The following SRD5A2 variants were observed in gnomAD, a reference collection of about 807,000 sequenced individuals.
The protein encoded by SRD5A2 is 3-oxo-5-alpha-steroid 4-dehydrogenase 2.
A neutral mutation model predicts 27.4 loss-of-function variants in SRD5A2; 30 were observed. That is an observed-to-expected ratio of 1.10 (90% CI 0.82 to 1.49). The LOEUF is 1.49. SRD5A2 is among the 40% of genes most tolerant of loss of function. The pLI, the probability that SRD5A2 is intolerant of heterozygous loss-of-function variation, is 0.00. For missense variants in SRD5A2, 348 were observed against 323.4 expected, an observed-to-expected ratio of 1.08 and a Z score of -0.58; for synonymous variants, 141 against 133.6, an observed-to-expected ratio of 1.06 and a Z score of -0.38.
intron 1 of SRD5A2, among the ~76,000 whole-genome samples, chr2:31,558,067 T>C (rs1323041791): frequency 2.0e-5 from 3 of 152,210 alleles, no homozygotes; most frequent in African/African-American, 4.8e-5. Context: ...TTTTCTTCAA[T>C]GGAAATCTTA....
At chr2:31,656,172 G>A in the SRD5A2 span, among the ~76,000 whole-genome samples, 6 of 152,194 alleles carry the variant, frequency 3.9e-5, no homozygotes, top group East Asian at 1.9e-4. Context: ...TTTGGAGATC[G>A]TGAATCTGTT....
At chr2:31,567,008 A>C (rs1343011604) in intron 1 of SRD5A2, among the ~76,000 whole-genome samples, 4 of 152,186 alleles carry the variant, frequency 2.6e-5, no homozygotes, top group Admixed American at 6.5e-5. Flanking sequence ...TTTTTAACTA[A>C]ATGGCTCCAT....
chr2:31,616,787 T>A, the SRD5A2 span, among the ~76,000 whole-genome samples: 1 of 152,170 alleles, frequency 6.6e-6, no homozygotes, highest in Non-Finnish European at 1.5e-5. Flanking sequence ...GGGGGGCTGT[T>A]GGGAAGGCAT....
chr2:31,603,697 G>A, the SRD5A2 span, among the ~76,000 whole-genome samples: 3 of 151,890 alleles, frequency 2.0e-5, no homozygotes, highest in Non-Finnish European at 2.9e-5. Context: ...TATACACCAC[G>A]GAATACTATG....
At chr2:31,635,228 C>T in the SRD5A2 span, among the ~76,000 whole-genome samples, 1 of 152,032 alleles carries the variant, frequency 6.6e-6, no homozygotes, top group African/African-American at 2.4e-5. Context: ...CTTTTTGATA[C>T]AAGCCATTTT....
Position 31,579,247 on chromosome 2 carries a change from C to G in SRD5A2, c.281+1373G>C, listed in dbSNP as rs548442841. Among the ~76,000 whole-genome samples, 4 of 152,198 alleles carry G rather than the reference C, an allele frequency of 2.6e-5. 1 individual carries two copies. The South Asian group carries it at 8.3e-4, about 32-fold the overall frequency. On this transcript the variant is annotated intron_variant, in intron 1 of 4. Coordinates refer to ENST00000622030, the MANE Select transcript of SRD5A2 (RefSeq NM_000348.4). ...GATTGCATAAATATTAAATCTTGAC[C>G]AATAAAGAAGATTCAGAGGATAAGA...
At chr2:31,620,981 T>TA in the SRD5A2 span, among the ~76,000 whole-genome samples, 1 of 147,474 alleles carries the variant, frequency 6.8e-6, no homozygotes, top group African/African-American at 2.5e-5. Context: ...AAATTAAATA[T>TA]ATAATATAAA....
chr2:31,608,382 A>T, the SRD5A2 span, among the ~76,000 whole-genome samples: 1 of 151,960 alleles, frequency 6.6e-6, no homozygotes, highest in Admixed American at 6.6e-5. Context: ...CAACAGGAAA[A>T]TTAAGATAAA....
At chr2:31,571,018 A>C (rs1481472416) in intron 1 of SRD5A2, among the ~76,000 whole-genome samples, 1 of 152,236 alleles carries the variant, frequency 6.6e-6, no homozygotes, top group Non-Finnish European at 1.5e-5. Context: ...TTAGAAAAAA[A>C]CTATTTTAAA....
the SRD5A2 span, among the ~76,000 whole-genome samples, chr2:31,587,172 G>A: frequency 8.5e-5 from 13 of 152,234 alleles, no homozygotes; most frequent in East Asian, 1.4e-3. Context: ...TTAGAGAAAC[G>A]CAAATCAAAA....
At chr2:31,598,913 T>A in the SRD5A2 span, among the ~76,000 whole-genome samples, 9 of 152,124 alleles carry the variant, frequency 5.9e-5, no homozygotes, top group Admixed American at 3.9e-4. Flanking sequence ...ACTGATATGC[T>A]GCATACAAGA....
the SRD5A2 span, among the ~76,000 whole-genome samples, chr2:31,654,935 G>A: frequency 1.3e-5 from 2 of 152,134 alleles, no homozygotes; most frequent in South Asian, 2.1e-4. Context: ...TTATATGTTG[G>A]AAGTTCCAGG....
At position 31,559,407 on chromosome 2, in the gene SRD5A2, T is replaced by C. The variant is rs189418283; in HGVS notation, c.281+21213A>G. On this transcript the variant is annotated intron_variant, in intron 1 of 4. Coordinates refer to ENST00000622030, the MANE Select transcript of SRD5A2 (RefSeq NM_000348.4). ...TTTTCTTAATTATGGCTAATATAAA[T>C]TGTTTTTTAGAAAGTGTTTCTTACT... Among the ~76,000 whole-genome samples, 154 of 152,356 alleles carry C rather than the reference T, an allele frequency of 1.0e-3. 1 individual carries two copies. Among genetic ancestry groups the C allele is most frequent in the Middle Eastern group, 3.4e-3 (1 of 294 alleles).
At chr2:31,662,558 G>A in the SRD5A2 span, among the ~76,000 whole-genome samples, 5 of 152,120 alleles carry the variant, frequency 3.3e-5, no homozygotes, top group Non-Finnish European at 7.4e-5. Context: ...GGGCTCAAGT[G>A]ATACTCCAAA....
chr2:31,544,814 T>G (rs1266072150), intron 1 of SRD5A2, among the ~76,000 whole-genome samples: 1 of 151,848 alleles, frequency 6.6e-6, no homozygotes, highest in Non-Finnish European at 1.5e-5. Context: ...TTAGATTGAC[T>G]AAGAAAAATA....
the SRD5A2 span, among the ~76,000 whole-genome samples, chr2:31,659,588 A>C: frequency 1.3e-5 from 2 of 152,164 alleles, no homozygotes; most frequent in African/African-American, 4.8e-5. Context: ...CACAATTACC[A>C]CAAATGGAAT....
the SRD5A2 span, among the ~76,000 whole-genome samples, chr2:31,636,715 G>C: frequency 6.6e-6 from 1 of 151,996 alleles, no homozygotes; most frequent in Admixed American, 6.6e-5. Flanking sequence ...GCTTTTGCAG[G>C]TTCTATTGAA....
the SRD5A2 span, among the ~76,000 whole-genome samples, chr2:31,649,187 T>C: frequency 1.3e-5 from 2 of 152,254 alleles, no homozygotes; most frequent in Non-Finnish European, 2.9e-5. Context: ...AGCCGCTAGC[T>C]ATTCCATTTC....
chr2:31,637,652 G>T, the SRD5A2 span, among the ~76,000 whole-genome samples: 6 of 151,940 alleles, frequency 3.9e-5, no homozygotes, highest in Non-Finnish European at 5.9e-5. Context: ...TTATGAAGCA[G>T]CCATTTTTCT....
Sources: allele counts gnomAD v4.1 joint callset (sites outside exome capture counted in the v4.1 genomes callset), GRCh38; gene constraint gnomAD v4.1.1; transcripts MANE v1.5; gene names NCBI Gene and HGNC (gene_info 2026-07-23, HGNC 2026-07-21).